TPPP: variants seen among roughly 807,000 people sequenced by gnomAD.
TPPP encodes tubulin polymerization promoting protein, also known as tubulin polymerization-promoting protein.
TPPP carries 6 observed loss-of-function variants against 15.5 expected under a neutral mutation model. The ratio of observed to expected loss-of-function variants is 0.39; its 90% CI spans 0.21 to 0.77. The LOEUF (loss-of-function observed/expected upper bound fraction) is 0.77, where lower values mean the gene tolerates loss of function less well. TPPP is among the 30% of genes least tolerant of loss of function. TPPP has a pLI of 0.42. For missense variants in TPPP, 269 were observed against 307.2 expected, an observed-to-expected ratio of 0.88 and a Z score of 0.93; for synonymous variants, 146 against 133.9, an observed-to-expected ratio of 1.09 and a Z score of -0.63.
At chr5:677,579 C>T (rs1244358354) in intron 2 of TPPP, among the ~76,000 whole-genome samples, 171 bp downstream of exon 2, 1 of 152,148 alleles carries the variant, frequency 6.6e-6, no homozygotes. Context: ...CCTGGGGGCC[C>T]AGATGGCACG....
intron 1 of TPPP, among the ~76,000 whole-genome samples, chr5:691,864 G>GC (rs540707565): frequency 1.4e-5 from 1 of 69,326 alleles, no homozygotes; most frequent in African/African-American, 6.0e-5. Flanking sequence ...CAAAACAGCA[G>GC]CCCCCTAAAC....
At position 662,802 on chromosome 5, in the gene TPPP, CTT is replaced by C; in HGVS notation, c.*2298_*2299del. The C allele has an allele frequency of 6.6e-6, 1 of 152,514 alleles. No individual in the cohort carries two copies. The highest frequency in any genetic ancestry group is 1.9e-4 in the East Asian group (1 of 5,344). The allele number at this position is 152,514 out of a possible 1,614,324, so 9.4% of individuals were successfully genotyped here. On this transcript the variant is annotated 3_prime_UTR_variant, in exon 4 of 4. Transcript: ENST00000360578. ...TGTTTGGTGACCACTCGTCCTCGGC[CTT>C]TTCAACACAAGGGCTTTGGAGTTGT... is the stretch of plus-strand genomic sequence containing the variant.
chr5:686,346 G>C (rs1740766079), intron 1 of TPPP, among the ~76,000 whole-genome samples: 1 of 152,226 alleles, frequency 6.6e-6, no homozygotes, highest in Non-Finnish European at 1.5e-5. Context: ...GGGCTCTCAA[G>C]GGAGGCACAA....
In TPPP at chr5:665,088, G is replaced by T; in HGVS notation, c.*14C>A. ...CTGGGGACACCGGCAGTGCCGCGAG[G>T]CATGGAGCGGGGGCTACTTGCCCCC... On this transcript the variant is annotated 3_prime_UTR_variant, in exon 4 of 4. Coordinates refer to ENST00000360578, the MANE Select transcript of TPPP (RefSeq NM_007030.3). 6.2e-7 allele frequency: 1 copy of T among 1,605,382 alleles called. No individual in the cohort carries two copies. Among genetic ancestry groups the T allele is most frequent in the Non-Finnish European group, 8.5e-7 (1 of 1,178,598 alleles).
chr5:674,167 G>A (rs370244443), intron 2 of TPPP, among the ~76,000 whole-genome samples: 223 of 152,280 alleles, frequency 1.5e-3, no homozygotes, highest in African/African-American at 5.2e-3. Context: ...TCTCCACACC[G>A]CTTTGCCCCG....
chr5:692,184 C>CT, intron 1 of TPPP, among the ~76,000 whole-genome samples: 1 of 117,336 alleles, frequency 8.5e-6, no homozygotes, highest in Non-Finnish European at 1.8e-5. Flanking sequence ...AACAGCAGCC[C>CT]CCAACCCCTA....
intron 2 of TPPP, among the ~76,000 whole-genome samples, chr5:671,118 C>T (rs893078422): frequency 1.3e-5 from 2 of 152,244 alleles, no homozygotes; most frequent in African/African-American, 4.8e-5. Flanking sequence ...CTCCGGAGGT[C>T]TGGCTACCGA....
chr5:665,470 C>T (rs1366343827), intron 3 of TPPP, 174 bp from the exon 4 acceptor site: 2 of 665,122 alleles, frequency 3.0e-6, no homozygotes, highest in African/African-American at 3.6e-5. Context: ...GACCCTGGGG[C>T]AGCCTTGGGC....
At chr5:699,996 G>C in the TPPP span, among the ~76,000 whole-genome samples, 1 of 151,988 alleles carries the variant, frequency 6.6e-6, no homozygotes, top group African/African-American at 2.4e-5. Flanking sequence ...CTGTTGGGGG[G>C]AATGTAAATC....
At chr5:696,888 G>GTGTT (rs1554024555), upstream of TPPP, among the ~76,000 whole-genome samples, 21 of 144,052 alleles carry the variant, frequency 1.5e-4, no homozygotes, top group East Asian at 1.2e-3. Flanking sequence ...GTGTCTCTGT[G>GTGTT]TGTATGAGTG....
At chr5:700,563 T>C in the TPPP span, among the ~76,000 whole-genome samples, 1,674 of 152,004 alleles carry the variant, frequency 0.011, 48 homozygotes, top group African/African-American at 0.038. Context: ...GGAAGAAATC[T>C]GCACTTCTAC....
At chr5:678,139 C>T (rs577288013) in intron 1 of TPPP, 75 bp from the exon 2 acceptor site, 29 of 1,423,278 alleles carry the variant, frequency 2.0e-5, no homozygotes, top group Non-Finnish European at 2.6e-5. Context: ...CAGGAAACCC[C>T]GCCGTACCAA....
intron 1 of TPPP, among the ~76,000 whole-genome samples, chr5:684,128 C>G (rs1465057606): frequency 1.3e-5 from 2 of 152,212 alleles, no homozygotes; most frequent in Non-Finnish European, 2.9e-5. Context: ...CCTGATGGAC[C>G]CTCCAATGTC....
rs1397265561 is a variant in TPPP at position 677,918 on chromosome 5, A to G, written c.143T>C (p.Leu48Pro). The G allele has an allele frequency of 1.2e-6, 2 of 1,612,580 alleles. No homozygotes were observed. Among genetic ancestry groups the G allele is most frequent in the African/African-American group, 1.3e-5 (1 of 74,922 alleles). ...AGEGAAASPE[L>P]SALEEAFRRF... The stretch of plus-strand genomic sequence containing the variant: ...CCGGAAGGCCTCCTCCAGGGCACTG[A>G]GCTCAGGGGATGCGGCTGCCCCCTC... Residue 48 changes from leucine (L) to proline (P), a missense_variant, in exon 2 of 4, where the codon CTC becomes CCC. Transcript: ENST00000360578.
At chr5:699,113 A>C in the TPPP span, among the ~76,000 whole-genome samples, 1,444 of 151,566 alleles carry the variant, frequency 9.5e-3, 25 homozygotes, top group African/African-American at 0.033. Flanking sequence ...ACCCAACACA[A>C]TCTCTATCAA....
At chr5:668,411 CAGAG>C (rs1394368913) in intron 2 of TPPP, among the ~76,000 whole-genome samples, 1 of 103,712 alleles carries the variant, frequency 9.6e-6, no homozygotes, top group Non-Finnish European at 1.9e-5. Context: ...GACAAGCACA[CAGAG>C]AGGGGGCCGC....
intron 2 of TPPP, among the ~76,000 whole-genome samples, chr5:672,720 C>T (rs1177528234): frequency 6.6e-6 from 1 of 152,250 alleles, no homozygotes; most frequent in African/African-American, 2.4e-5. Flanking sequence ...CTACCGGGCC[C>T]CACTCCCACC....
intron 1 of TPPP, among the ~76,000 whole-genome samples, chr5:684,133 A>C (rs1358065473): frequency 1.3e-5 from 2 of 152,200 alleles, no homozygotes; most frequent in African/African-American, 4.8e-5. Flanking sequence ...TGGACCCTCC[A>C]ATGTCCCACG....
intron 2 of TPPP, among the ~76,000 whole-genome samples, chr5:671,222 C>T (rs1740211854): frequency 6.7e-6 from 1 of 150,034 alleles, no homozygotes; most frequent in South Asian, 2.1e-4. Flanking sequence ...TTTTGCGTTG[C>T]TGCCGGCCTT....
Sources: gnomAD v4.1 joint callset for allele counts (sites outside exome capture counted in the v4.1 genomes callset) on GRCh38, gnomAD v4.1.1 for gene constraint, MANE v1.5 for transcripts, NCBI Gene and HGNC (gene_info 2026-07-23, HGNC 2026-07-21) for gene names.